Variants in ZNF445 observed in about 807,000 individuals in gnomAD.
The protein encoded by ZNF445 is zinc finger protein 445, also known as zinc finger protein 168.
In ZNF445, 19 loss-of-function variants were observed where a neutral mutation model predicts 93.9. The ratio of observed to expected loss-of-function variants is 0.20; its 90% CI spans 0.14 to 0.30. The LOEUF is 0.30. ZNF445 is among the 10% of genes least tolerant of loss of function. The probability of loss-of-function intolerance (pLI) is 1.00; values close to 1 mark genes in which losing one functional copy is unlikely to be tolerated. For synonymous variants in ZNF445, 449 were observed against 446.3 expected, an observed-to-expected ratio of 1.01 and a Z score of -0.08; for missense variants, 1,058 against 1,259.4, an observed-to-expected ratio of 0.84 and a Z score of 2.42.
intron 1 of ZNF445, among the ~76,000 whole-genome samples, chr3:44,474,454 C>T (rs760981262): frequency 2.6e-5 from 4 of 152,012 alleles, no homozygotes; most frequent in Admixed American, 6.5e-5. Flanking sequence ...GCGGAGGTTG[C>T]GGTGAGCCGA....
intron 1 of ZNF445, among the ~76,000 whole-genome samples, chr3:44,474,515 AAACAAACAAAAAACAG>A (rs1361592240): frequency 1.3e-5 from 2 of 152,170 alleles, no homozygotes; most frequent in Non-Finnish European, 1.5e-5. Context: ...ATTCCGTCTC[AAACAAACAAAAAACAG>A]AACAAACAAA....
intron 7 of ZNF445, 147 bp downstream of exon 7, chr3:44,449,366 C>T (rs1697927051): frequency 3.1e-6 from 2 of 650,468 alleles, no homozygotes; most frequent in African/African-American, 3.6e-5. Flanking sequence ...ATGGAAGAGA[C>T]CCAGTGGCCC....
At position 44,450,454 on chromosome 3, in the gene ZNF445, A is replaced by G; in HGVS notation, c.813T>C (p.Ala271=). ...AGGATATCGATTACTTACCCAGGGA[A>G]GCCATGTTCCTATAATTCTCCAGCA... ...DVMLENYRNM[A]SLVGPFTKPA... is the part of the protein sequence containing the mutation. The change falls in exon 6 of 8, where the codon GCT becomes GCC. Residue 271 remains alanine, a synonymous_variant. Coordinates refer to ENST00000396077, the MANE Select transcript of ZNF445 (RefSeq NM_181489.6). The G allele has an allele frequency of 2.5e-6, 4 of 1,614,182 alleles. No individual in the cohort carries two copies. Among genetic ancestry groups the G allele is most frequent in the Non-Finnish European group, 3.4e-6 (4 of 1,180,036 alleles).
rs1476144049 is a variant in ZNF445, at chr3:44,439,529, T to C, written c.*7046A>G. ...TGGGACCTCTCCACAGAAGCACAGA[T>C]CCAAAGGCCACAGGGCCCCTCCCTG... is the stretch of plus-strand genomic sequence containing the variant. On this transcript the variant is annotated 3_prime_UTR_variant, in exon 8 of 8. Transcript: ENST00000396077. 1 of 152,132 alleles carries C rather than the reference T, an allele frequency of 6.6e-6. No individual in the cohort carries two copies. The highest frequency in any genetic ancestry group is 1.5e-5 in the Non-Finnish European group (1 of 68,140). 9.4% of individuals were successfully genotyped at this position (152,132 alleles called of 1,614,324 possible). A position where few individuals can be genotyped will look rare whatever the true frequency, so the allele number is the denominator to read the frequency against.
At chr3:44,458,802 G>C (rs1043108975) in intron 1 of ZNF445, among the ~76,000 whole-genome samples, 1 of 152,034 alleles carries the variant, frequency 6.6e-6, no homozygotes, top group Non-Finnish European at 1.5e-5. Flanking sequence ...TAAATTCTCT[G>C]ACCTATTGTA....
chr3:44,476,572 C>T (rs1698360169), intron 1 of ZNF445, among the ~76,000 whole-genome samples: 1 of 152,104 alleles, frequency 6.6e-6, no homozygotes, highest in African/African-American at 2.4e-5. Context: ...GCAAAACAAC[C>T]AACCTAATAC....
intron 3 of ZNF445, among the ~76,000 whole-genome samples, chr3:44,451,951 A>T (rs1349142836): frequency 6.6e-6 from 1 of 152,202 alleles, no homozygotes; most frequent in African/African-American, 2.4e-5. Flanking sequence ...TACAAAGTGA[A>T]CTCAAAGAGG....
At chr3:44,467,274 G>T (rs1698209516) in intron 1 of ZNF445, among the ~76,000 whole-genome samples, 1 of 152,136 alleles carries the variant, frequency 6.6e-6, no homozygotes, top group Admixed American at 6.6e-5. Context: ...CCAGAATTTG[G>T]AAACTATATG....
rs1559392062 is a variant in ZNF445, at chr3:44,448,364, C to T, written c.1307G>A (p.Gly436Glu). The change falls in exon 8 of 8, where the codon GGG (glycine) becomes GAG (glutamate). Residue 436 changes from glycine to glutamate, a missense_variant. Around this residue, in one of 3 missense-constraint regions of ZNF445, gnomAD observed 657 missense variants for 746.4 expected, o/e 0.88. Transcript: ENST00000396077. ...HHYDYKKYGK[G>E]LRHMIGGFSL... Reference sequence around the variant, plus strand: ...GAAGCCCCCAATCATGTGTCTGAGCCCCTTCCCATATTTCTTGTAGTCATA... The same window carrying T: ...GAAGCCCCCAATCATGTGTCTGAGCTCCTTCCCATATTTCTTGTAGTCATA... 1 of 1,614,212 alleles carries T rather than the reference C, an allele frequency of 6.2e-7. No homozygotes were observed. The highest frequency in any genetic ancestry group is 1.3e-5 in the African/African-American group (1 of 75,052).
At chr3:44,470,049 T>C (rs1209727488) in intron 1 of ZNF445, among the ~76,000 whole-genome samples, 3 of 152,040 alleles carry the variant, frequency 2.0e-5, no homozygotes, top group African/African-American at 7.2e-5. Flanking sequence ...CACCTCAACC[T>C]CCTGAATAGC....
chr3:44,467,865 GT>G (rs1280924396), intron 1 of ZNF445, among the ~76,000 whole-genome samples: 1 of 151,968 alleles, frequency 6.6e-6, no homozygotes, highest in Admixed American at 6.6e-5. Flanking sequence ...GTTCTTGAGG[GT>G]TTTTTTCTGC....
At position 44,447,236 on chromosome 3, in the gene ZNF445, T is replaced by C; in HGVS notation, c.2435A>G (p.His812Arg). 6.2e-7 allele frequency: 1 copy of C among 1,614,160 alleles called. No individual in the cohort carries two copies. Among genetic ancestry groups the C allele is most frequent in the Non-Finnish European group, 8.5e-7 (1 of 1,180,030 alleles). ...GCAATCATACTGTTTTTGAAGAGAG[T>C]GAATCCTCTGATGTCGGTAGAGATT... is the stretch of plus-strand genomic sequence containing the variant. The part of the protein sequence containing the change: ...SSNLYRHQRI[H>R]SLQKQYDCHE... The change falls in exon 8 of 8, where the codon CAC becomes CGC. Residue 812 changes from histidine to arginine, a missense_variant. This residue lies in a region of ZNF445 where 387 missense variants were observed against 475.7 expected (regional missense o/e 0.81). Coordinates refer to ENST00000396077, the MANE Select transcript of ZNF445 (RefSeq NM_181489.6). This position sits in a 1 kb window ranked among gnomAD's most constrained non-coding sequence, Gnocchi z 4.7.
intron 1 of ZNF445, among the ~76,000 whole-genome samples, chr3:44,466,587 T>C (rs1698198405): frequency 6.6e-6 from 1 of 152,222 alleles, no homozygotes; most frequent in Non-Finnish European, 1.5e-5. Context: ...AATTTCCTTG[T>C]CAATCGTGTC....
chr3:44,470,542 A>G (rs1698254710), intron 1 of ZNF445, among the ~76,000 whole-genome samples: 2 of 152,220 alleles, frequency 1.3e-5, no homozygotes, highest in African/African-American at 4.8e-5. Context: ...AGAAAATTGA[A>G]AAGCAATTAT....
intron 1 of ZNF445, among the ~76,000 whole-genome samples, chr3:44,474,160 G>C (rs991830183): frequency 6.6e-6 from 1 of 152,182 alleles, no homozygotes; most frequent in Non-Finnish European, 1.5e-5. Context: ...AGACAGTAAG[G>C]TTCCAGTGGT....
intron 6 of ZNF445, chr3:44,450,185 C>G (rs1319130336): frequency 2.2e-6 from 1 of 457,532 alleles, no homozygotes; most frequent in African/African-American, 2.0e-5. Context: ...GCAATCTTCC[C>G]ACCTGGGCCT....
chr3:44,462,241 G>A (rs903957019), intron 1 of ZNF445, among the ~76,000 whole-genome samples: 12 of 152,262 alleles, frequency 7.9e-5, no homozygotes, highest in Admixed American at 3.3e-4. Flanking sequence ...ACGGGTCTCC[G>A]AAACCAATAT....
chr3:44,470,926 G>C (rs1480234374), intron 1 of ZNF445, among the ~76,000 whole-genome samples: 2 of 151,244 alleles, frequency 1.3e-5, no homozygotes, highest in African/African-American at 4.9e-5. Flanking sequence ...ACAGATGTAA[G>C]GAGAAAAAAA....
At position 44,448,053 on chromosome 3, in the gene ZNF445, G is replaced by C. The variant is rs1370296913; in HGVS notation, c.1618C>G (p.Pro540Ala). 4.3e-6 allele frequency: 7 copies of C among 1,611,860 alleles called. No homozygotes were observed. The highest frequency in any genetic ancestry group is 1.7e-5 in the Admixed American group (1 of 60,000). Residue 540 changes from proline (P) to alanine (A), a missense_variant, in exon 8 of 8, where the codon CCT becomes GCT. Physicochemically the swap from Pro to Ala is conservative, Grantham distance 27. Around this residue, in one of 3 missense-constraint regions of ZNF445, gnomAD observed 657 missense variants for 746.4 expected, o/e 0.88. Transcript: ENST00000396077. ...RHEKIHTGVK[P>A]YKCDLCEKAF... ...TTCTCACATAAATCGCATTTATAAGGCTTCACTCCAGTGTGAATTTTCTCA... is the reference window on the plus strand; with the variant it reads ...TTCTCACATAAATCGCATTTATAAGCCTTCACTCCAGTGTGAATTTTCTCA...
Sources: gnomAD v4.1 joint callset for allele counts (sites outside exome capture counted in the v4.1 genomes callset) on GRCh38, gnomAD v4.1.1 for gene constraint, gnomAD v4.1.1 regional missense constraint, Gnocchi (gnomAD v3.1) non-coding constraint, MANE v1.5 for transcripts, NCBI Gene and HGNC (gene_info 2026-07-23, HGNC 2026-07-21) for gene names.